Variants in NDRG1 observed in about 807,000 individuals in gnomAD.
NDRG1 encodes the protein N-myc downstream regulated 1, also known as protein NDRG1.
A neutral mutation model predicts 56.9 loss-of-function variants in NDRG1; 32 were observed. That is an observed-to-expected ratio of 0.56 (90% confidence interval 0.42 to 0.76). NDRG1 has a LOEUF of 0.76. Among genes scored for constraint, NDRG1 ranks in the 30% least tolerant of loss-of-function variants. The probability of loss-of-function intolerance (pLI) is 0.00; values close to 1 mark genes in which losing one functional copy is unlikely to be tolerated. For synonymous variants in NDRG1, 211 were observed against 204.1 expected (o/e 1.03, Z -0.29); for missense variants, 507 against 545.7 (o/e 0.93, Z 0.71).
chr8:133,237,501 T>C lies in NDRG1; in HGVS notation c.*1377A>G, dbSNP rs1310875064. The C allele has an allele frequency of 4.3e-6, 1 of 232,732 alleles. No homozygotes were observed. The highest frequency in any genetic ancestry group is 8.5e-6 in the Non-Finnish European group (1 of 117,886). The allele number at this position is 232,732 out of a possible 1,614,324, so 14.4% of individuals were successfully genotyped here. A position where few individuals can be genotyped will look rare whatever the true frequency, so the allele number is the denominator to read the frequency against. On this transcript the variant is annotated 3_prime_UTR_variant, in exon 16 of 16. Transcript: ENST00000323851. ...TGAGAAAATCCACGGTGAGCCAAAA[T>C]GAAAAGTACAAGGCAGTAGTACAGG...
chr8:133,242,520 C>T (rs1467205977), intron 14 of NDRG1, among the ~76,000 whole-genome samples: 1 of 152,198 alleles, frequency 6.6e-6, no homozygotes, highest in Non-Finnish European at 1.5e-5. Flanking sequence ...CATAGCTGAA[C>T]AGATTTGGAC....
intron 3 of NDRG1, among the ~76,000 whole-genome samples, chr8:133,268,915 C>T (rs995211435): frequency 2.6e-5 from 4 of 152,116 alleles, no homozygotes; most frequent in Non-Finnish European, 4.4e-5. Flanking sequence ...AACAAACACA[C>T]GTGCACGCAC....
intron 10 of NDRG1, among the ~76,000 whole-genome samples, chr8:133,249,071 G>A (rs576398297): frequency 5.3e-5 from 8 of 152,142 alleles, no homozygotes; most frequent in Middle Eastern, 3.4e-3. Context: ...GAGGGTCCCC[G>A]CCTTCCCTGT....
chr8:133,239,005 C>A lies in NDRG1; in HGVS notation c.1058G>T (p.Arg353Leu), dbSNP rs771613983. 2 of 1,596,368 alleles carry A rather than the reference C, an allele frequency of 1.3e-6. No individual in the cohort carries two copies. Among genetic ancestry groups the A allele is most frequent in the Admixed American group, 1.7e-5 (1 of 57,198 alleles). The stretch of plus-strand genomic sequence containing the variant: ...GCGGGTGCCCTCGCTGGTGTGGGAG[C>A]GGCTTCGGGTGCCCTCGCTGGTGTG... ...RSHTSEGTRSRSHTSEGTRSR... is the reference protein window; with the variant it reads ...RSHTSEGTRSLSHTSEGTRSR... Residue 353 changes from arginine (R) to leucine (L), a missense_variant, in exon 16 of 16, where the codon CGC (arginine) becomes CTC (leucine). Transcript: ENST00000323851.
At chr8:133,261,539 A>G (rs1201204325) in intron 5 of NDRG1, among the ~76,000 whole-genome samples, 1 of 152,218 alleles carries the variant, frequency 6.6e-6, no homozygotes, top group African/African-American at 2.4e-5. Context: ...GTAAGGATTA[A>G]GCCCAGTGTT....
In NDRG1 at chr8:133,238,671, C is replaced by T. The variant is rs1855197172; in HGVS notation, c.*207G>A. The T allele has an allele frequency of 1.6e-6, 1 of 630,236 alleles. No homozygotes were observed. Among genetic ancestry groups the T allele is most frequent in the Non-Finnish European group, 2.7e-6 (1 of 368,488 alleles). The allele number at this position is 630,236 out of a possible 1,614,324, so 39.0% of individuals were successfully genotyped here. On this transcript the variant is annotated 3_prime_UTR_variant, in exon 16 of 16. Coordinates refer to ENST00000323851, the MANE Select transcript of NDRG1 (RefSeq NM_006096.4). Reference sequence around the variant, plus strand: ...GATGCGATGCGGAGATGCTTGCTTCCTTCCTTTGGTCCACCGCCACCCCGC... The same window carrying T: ...GATGCGATGCGGAGATGCTTGCTTCTTTCCTTTGGTCCACCGCCACCCCGC...
chr8:133,258,984 A>G (rs958552367), intron 6 of NDRG1, 184 bp downstream of exon 6: 1 of 691,522 alleles, frequency 1.4e-6, no homozygotes, highest in Non-Finnish European at 2.6e-6. Context: ...GTTAGAGGAG[A>G]CAGACTAGAG....
intron 1 of NDRG1, among the ~76,000 whole-genome samples, chr8:133,287,248 C>A (rs927568497): frequency 6.6e-6 from 1 of 152,198 alleles, no homozygotes; most frequent in Non-Finnish European, 1.5e-5. Context: ...GAACCCCACT[C>A]CACCCCAGGA....
At chr8:133,287,293 C>A (rs1030449476) in intron 1 of NDRG1, among the ~76,000 whole-genome samples, 9 of 152,232 alleles carry the variant, frequency 5.9e-5, no homozygotes, top group Non-Finnish European at 2.9e-5. Context: ...TCCCAGCCCC[C>A]ACGCCACCAG....
intron 5 of NDRG1, among the ~76,000 whole-genome samples, 189 bp downstream of exon 5, chr8:133,261,858 T>C (rs971779562): frequency 3.3e-5 from 5 of 152,250 alleles, no homozygotes; most frequent in Non-Finnish European, 7.3e-5. Context: ...CACTGAACTA[T>C]ATACTTAAAA....
rs185719161 is a variant in NDRG1, at chr8:133,242,882, G to A, written c.892-808C>T. 4.5e-4 allele frequency among the ~76,000 whole-genome samples: 68 copies of A among 152,340 alleles called. 1 individual carries two copies. The highest frequency in any genetic ancestry group is 2.4e-3 in the Admixed American group (36 of 15,310). On this transcript the variant is annotated intron_variant, in intron 14 of 15. Coordinates refer to ENST00000323851, the MANE Select transcript of NDRG1 (RefSeq NM_006096.4). ...TGAATGGATGATGGTTGGATGGTTC[G>A]TTGGATGGGTAAACAAACCAATTAA...
rs1367785483 is a variant in NDRG1 at position 133,248,047 on chromosome 8, C to G, written c.756-121G>C. The G allele has an allele frequency of 4.3e-6, 4 of 922,022 alleles. No individual in the cohort carries two copies. In the Admixed American group the frequency reaches 5.4e-5, roughly 12 times the overall value. 57.1% of individuals were successfully genotyped at this position (922,022 alleles called of 1,614,324 possible). ...AATGTCATTTTGGTTTCCCCAACAC[C>G]CTTTGCTCTTTTACTTCATTCTCCT... is the stretch of plus-strand genomic sequence containing the variant. On this transcript the variant is annotated intron_variant, in intron 11 of 15. Coordinates refer to ENST00000323851, the MANE Select transcript of NDRG1 (RefSeq NM_006096.4).
At chr8:133,255,091 C>A in intron 8 of NDRG1, 1 of 338,462 alleles carries the variant, frequency 3.0e-6, no homozygotes, top group Non-Finnish European at 5.9e-6. Flanking sequence ...TACCTCTCCC[C>A]AGTGACTAGG....
At chr8:133,269,735 C>T (rs184464589) in intron 3 of NDRG1, among the ~76,000 whole-genome samples, 75 of 152,348 alleles carry the variant, frequency 4.9e-4, no homozygotes, top group African/African-American at 1.6e-3. Flanking sequence ...CACTGTGACT[C>T]CCTAAAGGGG....
chr8:133,292,690 G>T (rs989390044), intron 1 of NDRG1, among the ~76,000 whole-genome samples: 6 of 152,198 alleles, frequency 3.9e-5, no homozygotes, highest in African/African-American at 1.4e-4. Flanking sequence ...TGGGGGTGGG[G>T]CAGAGGGTGA....
chr8:133,248,895 C>CTCG, intron 10 of NDRG1, 124 bp from the exon 11 acceptor site: 1 of 1,015,630 alleles, frequency 9.8e-7, no homozygotes, highest in Non-Finnish European at 1.5e-6. Context: ...ACATCCCCAA[C>CTCG]TTGAGAGAGG....
intron 3 of NDRG1, among the ~76,000 whole-genome samples, chr8:133,269,664 C>T (rs1857094081): frequency 6.6e-6 from 1 of 152,224 alleles, no homozygotes; most frequent in African/African-American, 2.4e-5. Context: ...TTCTCTTTAA[C>T]ATCCTGTTTC....
chr8:133,286,185 G>A (rs1407531570), intron 1 of NDRG1, among the ~76,000 whole-genome samples: 2 of 152,220 alleles, frequency 1.3e-5, no homozygotes, highest in Non-Finnish European at 2.9e-5. Flanking sequence ...CAGAAAGTCA[G>A]GCTGCAACTC....
At chr8:133,267,880 A>G (rs1856998006) in intron 3 of NDRG1, among the ~76,000 whole-genome samples, 2 of 152,202 alleles carry the variant, frequency 1.3e-5, no homozygotes, top group Admixed American at 1.3e-4. Context: ...AGCACCAGGC[A>G]GGATGGGGAC....
Sources: allele counts gnomAD v4.1 joint callset (sites outside exome capture counted in the v4.1 genomes callset), GRCh38; gene constraint gnomAD v4.1.1; transcripts MANE v1.5; gene names NCBI Gene and HGNC (gene_info 2026-07-23, HGNC 2026-07-21).